Variants in MBD5 observed in about 807,000 individuals in gnomAD.
MBD5 encodes the protein methyl-CpG binding domain protein 5, also known as methyl-CpG-binding domain protein 5.
Under a neutral mutation model 117.3 loss-of-function variants are expected in MBD5, and 13 were observed. The observed-to-expected ratio is 0.11, with a 90% confidence interval of 0.07 to 0.18. MBD5 has a LOEUF of 0.18. MBD5 is among the 10% of genes least tolerant of loss of function. The pLI is 1.00. For synonymous variants in MBD5, 727 were observed against 766.4 expected, an observed-to-expected ratio of 0.95 and a Z score of 0.85; for missense variants, 1,879 against 2,093.8, an observed-to-expected ratio of 0.90 and a Z score of 2.00.
rs1313136718 is a variant in MBD5, at chr2:148,088,133, CT to C, written c.-925+66453del. Among the ~76,000 whole-genome samples the C allele has an allele frequency of 5.3e-5, 8 of 152,036 alleles. No homozygotes were observed. In the East Asian group the frequency reaches 1.4e-3, roughly 26 times the overall value. On this transcript the variant is annotated intron_variant, in intron 1 of 13. Coordinates refer to ENST00000642680, the MANE Select transcript of MBD5 (RefSeq NM_001378120.1). ...AGAACTTCACACGTTGAAGACAAGGCTTTTGAATTAACCCAATGAGACAAAG... is the reference window on the plus strand; with the variant it reads ...AGAACTTCACACGTTGAAGACAAGGCTTTGAATTAACCCAATGAGACAAAG...
intron 3 of MBD5, among the ~76,000 whole-genome samples, chr2:148,321,821 A>T (rs192707100): frequency 1.3e-5 from 2 of 152,148 alleles, no homozygotes; most frequent in Admixed American, 6.5e-5. Flanking sequence ...CTCCTGACCT[A>T]AAGCAACCCT....
intron 3 of MBD5, among the ~76,000 whole-genome samples, chr2:148,255,452 A>G (rs1318004966): frequency 6.6e-6 from 1 of 152,212 alleles, no homozygotes; most frequent in African/African-American, 2.4e-5. Context: ...TGCAAGTCAT[A>G]CTGTAGGCCT....
intron 4 of MBD5, among the ~76,000 whole-genome samples, chr2:148,440,421 G>A (rs1010413926): frequency 1.3e-5 from 2 of 152,148 alleles, no homozygotes; most frequent in African/African-American, 4.8e-5. Context: ...GTGGAATTGT[G>A]CTGAAAATAA....
intron 3 of MBD5, among the ~76,000 whole-genome samples, chr2:148,246,597 C>T (rs549255098): frequency 6.6e-6 from 1 of 151,498 alleles, no homozygotes; most frequent in African/African-American, 2.4e-5. Context: ...GGTGAAACCC[C>T]ACGTCTACTA....
chr2:148,453,272 G>A (rs1706781844), intron 4 of MBD5, among the ~76,000 whole-genome samples: 6 of 152,144 alleles, frequency 3.9e-5, no homozygotes, highest in Admixed American at 3.9e-4. Context: ...GTCAGAAGAA[G>A]CCAATGTAAA....
intron 1 of MBD5, among the ~76,000 whole-genome samples, chr2:148,099,454 A>G (rs1240821054): frequency 6.6e-6 from 1 of 152,196 alleles, no homozygotes; most frequent in Non-Finnish European, 1.5e-5. Context: ...CTGCCTTGAA[A>G]TGTACCAAGT....
intron 4 of MBD5, among the ~76,000 whole-genome samples, chr2:148,381,603 G>T (rs963466659): frequency 6.6e-6 from 1 of 152,120 alleles, no homozygotes; most frequent in African/African-American, 2.4e-5. Flanking sequence ...AGGAAATACA[G>T]AGAATGCCAC....
intron 1 of MBD5, among the ~76,000 whole-genome samples, chr2:148,110,802 T>C (rs974511139): frequency 5.3e-5 from 8 of 152,094 alleles, no homozygotes; most frequent in South Asian, 2.1e-4. Context: ...GATTTCTCTA[T>C]TGTTTTAGTT....
intron 1 of MBD5, among the ~76,000 whole-genome samples, chr2:148,036,586 G>A (rs1694200742): frequency 6.6e-6 from 1 of 151,960 alleles, no homozygotes; most frequent in Admixed American, 6.6e-5. Flanking sequence ...ATCTTTTTTA[G>A]CCATCAACTG....
At chr2:148,279,816 AG>A (rs1701198780) in intron 3 of MBD5, among the ~76,000 whole-genome samples, 1 of 152,098 alleles carries the variant, frequency 6.6e-6, no homozygotes, top group Non-Finnish European at 1.5e-5. Context: ...TGTGTTGGAC[AG>A]GTGGAGTGCA....
At chr2:148,318,294 A>G (rs1028002813) in intron 3 of MBD5, among the ~76,000 whole-genome samples, 1 of 150,312 alleles carries the variant, frequency 6.7e-6, no homozygotes, top group Non-Finnish European at 1.5e-5. Flanking sequence ...CCTACTTCTT[A>G]ATGTTTTTTT....
chr2:148,054,251 A>G (rs1040506070), intron 1 of MBD5: 1 of 152,194 alleles, frequency 6.6e-6, no homozygotes, highest in Non-Finnish European at 1.5e-5. Flanking sequence ...CTCTTAGTTC[A>G]TATGTTCAAG....
At chr2:148,124,799 A>G (rs1574039881) in intron 1 of MBD5, among the ~76,000 whole-genome samples, 1 of 151,990 alleles carries the variant, frequency 6.6e-6, no homozygotes, top group South Asian at 2.1e-4. Flanking sequence ...CAATTGATGT[A>G]TCTATTTAAT....
chr2:148,199,306 T>C (rs1290003645), intron 2 of MBD5, among the ~76,000 whole-genome samples: 1 of 152,200 alleles, frequency 6.6e-6, no homozygotes, highest in Admixed American at 6.5e-5. Flanking sequence ...CCGGGTACTC[T>C]AGCCTATCCA....
chr2:148,360,303 A>G (rs972049440), intron 4 of MBD5, among the ~76,000 whole-genome samples: 5 of 152,086 alleles, frequency 3.3e-5, no homozygotes, highest in Admixed American at 3.3e-4. Flanking sequence ...CCTAAAGTGC[A>G]TATATTTTTT....
chr2:148,226,702 T>G (rs891771159), intron 2 of MBD5, among the ~76,000 whole-genome samples: 13 of 152,184 alleles, frequency 8.5e-5, no homozygotes, highest in Non-Finnish European at 1.9e-4. Context: ...ACTTCCACAA[T>G]GGTTGAACTA....
At chr2:148,077,824 A>T (rs1695543533) in intron 1 of MBD5, among the ~76,000 whole-genome samples, 1 of 152,154 alleles carries the variant, frequency 6.6e-6, no homozygotes, top group African/African-American at 2.4e-5. Context: ...AGGGTGAACA[A>T]CAGGAAGGAA....
At chr2:148,167,424 C>T (rs1248635521) in intron 1 of MBD5, among the ~76,000 whole-genome samples, 1 of 152,094 alleles carries the variant, frequency 6.6e-6, no homozygotes, top group African/African-American at 2.4e-5. Flanking sequence ...CTACAACAAC[C>T]TAGTGATTTG....
At chr2:148,311,394 A>G (rs1559017050) in intron 3 of MBD5, among the ~76,000 whole-genome samples, 1 of 152,152 alleles carries the variant, frequency 6.6e-6, no homozygotes, top group Non-Finnish European at 1.5e-5. Context: ...TCCTTTTACC[A>G]TTATGTAAAG....
Sources: allele counts gnomAD v4.1 joint callset (sites outside exome capture counted in the v4.1 genomes callset), GRCh38; gene constraint gnomAD v4.1.1; transcripts MANE v1.5; gene names NCBI Gene and HGNC (gene_info 2026-07-23, HGNC 2026-07-21).